TSPEAR: variants seen among roughly 807,000 people sequenced by gnomAD.
The protein encoded by TSPEAR is thrombospondin-type laminin G domain and EAR repeat-containing protein.
A neutral mutation model predicts 71.6 loss-of-function variants in TSPEAR; 69 were observed. The observed-to-expected ratio is 0.96, with a 90% CI of 0.79 to 1.18. The LOEUF (loss-of-function observed/expected upper bound fraction) is 1.18. Among genes scored for constraint, TSPEAR ranks in the 50% most tolerant of loss-of-function variants. The probability of loss-of-function intolerance (pLI) is 0.00; values close to 1 mark genes in which losing one functional copy is unlikely to be tolerated. For synonymous variants in TSPEAR, 402 were observed against 387.2 expected, an observed-to-expected ratio of 1.04 and a Z score of -0.45; for missense variants, 971 against 894.9, an observed-to-expected ratio of 1.09 and a Z score of -1.09.
chr21:44,657,930 T>C (rs1985247437), intron 1 of TSPEAR: 1 of 1,576,304 alleles, frequency 6.3e-7, no homozygotes, highest in African/African-American at 1.3e-5. Context: ...AGAAGCAGCT[T>C]CCAGACATCA....
intron 1 of TSPEAR, chr21:44,637,719 T>TCCAA (rs1983713957): frequency 8.1e-7 from 1 of 1,240,260 alleles, no homozygotes; most frequent in African/African-American, 1.6e-5. Context: ...GTCTGCTGTG[T>TCCAA]GCCCGTCTGC....
At chr21:44,688,524 T>C (rs139786680) in intron 1 of TSPEAR, among the ~76,000 whole-genome samples, 301 of 152,022 alleles carry the variant, frequency 2.0e-3, no homozygotes, top group African/African-American at 6.6e-3. Context: ...ATGGAGACCA[T>C]CCTGGCTAAC....
chr21:44,511,681 T>G (rs587759733), intron 9 of TSPEAR, among the ~76,000 whole-genome samples: 1 of 152,378 alleles, frequency 6.6e-6, no homozygotes, highest in Non-Finnish European at 1.5e-5. Flanking sequence ...CCTCCAGCCC[T>G]GGGCGTCCTT....
intron 1 of TSPEAR, among the ~76,000 whole-genome samples, chr21:44,641,018 C>A (rs1310322303): frequency 2.0e-5 from 3 of 152,108 alleles, no homozygotes; most frequent in Non-Finnish European, 4.4e-5. Flanking sequence ...AACTGGAGCC[C>A]CCATGTCCAA....
At position 44,642,959 on chromosome 21, in the gene TSPEAR, G is replaced by A. The variant is rs1984100173; in HGVS notation, c.82+68474C>T. On this transcript the variant is annotated intron_variant, in intron 1 of 11. Coordinates refer to ENST00000323084, the MANE Select transcript of TSPEAR (RefSeq NM_144991.3). This position sits in a 1 kb window ranked among gnomAD's most constrained non-coding sequence, Gnocchi z 4.1. The stretch of plus-strand genomic sequence containing the variant: ...GCCAGAGCTCAGAGATACCTGCACT[G>A]CCATGCTAACTGCAGCACTATTCAC... Among the ~76,000 whole-genome samples, 1 of 152,182 alleles carries A rather than the reference G, an allele frequency of 6.6e-6. No individual in the cohort carries two copies. The highest frequency in any genetic ancestry group is 6.5e-5 in the Admixed American group (1 of 15,282).
intron 2 of TSPEAR, among the ~76,000 whole-genome samples, chr21:44,555,483 G>A (rs1453213372): frequency 1.3e-5 from 2 of 152,152 alleles, no homozygotes; most frequent in African/African-American, 2.4e-5. Context: ...AGGACTCCCT[G>A]AAGATGCAGA....
intron 1 of TSPEAR, chr21:44,574,712 C>T (rs1555923540): frequency 5.0e-6 from 8 of 1,608,632 alleles, no homozygotes; most frequent in Non-Finnish European, 6.8e-6. Flanking sequence ...AGGGCTGCTG[C>T]GTGCCCGTCT....
At chr21:44,627,011 C>T (rs1982835022) in intron 1 of TSPEAR, 5 of 1,183,328 alleles carry the variant, frequency 4.2e-6, no homozygotes, top group Non-Finnish European at 5.9e-6. Context: ...CGCCGCCTCT[C>T]AGCAACAAGG....
Position 44,711,424 on chromosome 21 carries a change from C to T in TSPEAR, c.82+9G>A, listed in dbSNP as rs1455192750. 5 of 1,590,098 alleles carry T rather than the reference C, an allele frequency of 3.1e-6. No homozygotes were observed. Among genetic ancestry groups the T allele is most frequent in the Non-Finnish European group, 4.3e-6 (5 of 1,168,876 alleles). On this transcript the variant is annotated intron_variant, in intron 1 of 11. Coordinates refer to ENST00000323084, the MANE Select transcript of TSPEAR (RefSeq NM_144991.3). The surrounding 1 kb of genome is among the most constrained non-coding windows in gnomAD (Gnocchi z 4.5). Reference sequence around the variant, plus strand: ...TACCCCCGCCCGAGTTCCCATGCCCCTGCCTTACCTGTGCAGGGCTCCCAA... The same window carrying T: ...TACCCCCGCCCGAGTTCCCATGCCCTTGCCTTACCTGTGCAGGGCTCCCAA...
In TSPEAR at chr21:44,627,575, C is replaced by T. The variant is rs782328848; in HGVS notation, c.83-59570G>A. ...CAGCCAGCTTGCTGTGCCTCTTCCTCCTGCCAGCCGGCCTGCTGTGTGCCC... is the reference window on the plus strand; with the variant it reads ...CAGCCAGCTTGCTGTGCCTCTTCCTTCTGCCAGCCGGCCTGCTGTGTGCCC... On this transcript the variant is annotated intron_variant, in intron 1 of 11. Transcript: ENST00000323084. 20 of 1,613,368 alleles carry T rather than the reference C, an allele frequency of 1.2e-5. No individual in the cohort carries two copies. Among genetic ancestry groups the T allele is most frequent in the African/African-American group, 5.4e-5 (4 of 74,618 alleles).
chr21:44,519,195 A>AT (rs587649020), intron 9 of TSPEAR: 4,244 of 151,916 alleles, frequency 0.028, 208 homozygotes, highest in African/African-American at 0.097. Context: ...TGCCAGGCTA[A>AT]TTTTTTTTTG....
chr21:44,503,406 G>A (rs1240026225), intron 11 of TSPEAR, among the ~76,000 whole-genome samples: 11 of 134,248 alleles, frequency 8.2e-5, no homozygotes, highest in Non-Finnish European at 1.6e-4. Context: ...GGCTCTGGGA[G>A]GAGGCCGGAG....
In TSPEAR at chr21:44,509,331, G is replaced by A. The variant is rs1436220109; in HGVS notation, c.1622C>T (p.Ala541Val). The A allele has an allele frequency of 6.2e-7, 1 of 1,613,912 alleles. No individual in the cohort carries two copies. The highest frequency in any genetic ancestry group is 1.3e-5 in the African/African-American group (1 of 74,894). Residue 541 changes from alanine to valine, a missense_variant, in exon 10 of 12, where the codon GCT becomes GTT. Ala to Val is a moderately conservative substitution (Grantham distance 64). Coordinates refer to ENST00000323084, the MANE Select transcript of TSPEAR (RefSeq NM_144991.3). ...VFQIGERIFLAVANSHSYDVE... is the reference protein window; with the variant it reads ...VFQIGERIFLVVANSHSYDVE... Reference sequence around the variant, plus strand: ...ATCGTAGCTGTGACTGTTTGCCACAGCGAGGAAGATCCTCTCCCCGATCTG... The same window carrying A: ...ATCGTAGCTGTGACTGTTTGCCACAACGAGGAAGATCCTCTCCCCGATCTG...
intron 9 of TSPEAR, among the ~76,000 whole-genome samples, chr21:44,514,277 G>T (rs1555913073): frequency 2.6e-5 from 4 of 152,214 alleles, no homozygotes; most frequent in Admixed American, 2.6e-4. Flanking sequence ...GCACCACATG[G>T]CTGCCTGCCG....
chr21:44,538,758 G>C (rs2145999103), intron 2 of TSPEAR, among the ~76,000 whole-genome samples: 1 of 152,296 alleles, frequency 6.6e-6, no homozygotes, highest in East Asian at 1.9e-4. Context: ...GGGCATGACA[G>C]CGAATGACCA....
intron 1 of TSPEAR, among the ~76,000 whole-genome samples, chr21:44,701,058 C>G (rs888260644): frequency 3.9e-5 from 6 of 152,192 alleles, no homozygotes; most frequent in Non-Finnish European, 7.4e-5. Context: ...ACCTGTGAAT[C>G]TGCCCTTATA....
At chr21:44,677,366 G>A (rs1306022761) in intron 1 of TSPEAR, 2 of 1,400,814 alleles carry the variant, frequency 1.4e-6, no homozygotes, top group South Asian at 1.2e-5. Flanking sequence ...TCAATATGTT[G>A]GAGTGTGCAT....
At chr21:44,566,219 C>T (rs2053701371) in intron 2 of TSPEAR, among the ~76,000 whole-genome samples, 1 of 151,850 alleles carries the variant, frequency 6.6e-6, no homozygotes, top group Non-Finnish European at 1.5e-5. Flanking sequence ...TATATATTTG[C>T]AATTAACAAG....
At chr21:44,702,907 G>C in intron 1 of TSPEAR, 1 of 618,278 alleles carries the variant, frequency 1.6e-6, no homozygotes, top group Non-Finnish European at 2.8e-6. Context: ...ACACACCACA[G>C]TGTGCAAGCT....
Sources: gnomAD v4.1 joint callset for allele counts (sites outside exome capture counted in the v4.1 genomes callset) on GRCh38, gnomAD v4.1.1 for gene constraint, Gnocchi (gnomAD v3.1) non-coding constraint, MANE v1.5 for transcripts, NCBI Gene and HGNC (gene_info 2026-07-23, HGNC 2026-07-21) for gene names.